The following CNTNAP2 variants were observed in gnomAD, a reference collection of about 807,000 sequenced individuals.
CNTNAP2 encodes the protein contactin associated protein 2, also known as contactin-associated protein-like 2.
In CNTNAP2, 98 loss-of-function variants were observed where a neutral mutation model predicts 155.2. The observed-to-expected ratio is 0.63, with a 90% CI of 0.54 to 0.75. The LOEUF (loss-of-function observed/expected upper bound fraction) is 0.75, where lower values mean the gene tolerates loss of function less well. Among genes scored for constraint, CNTNAP2 ranks in the 30% least tolerant of loss-of-function variants. The pLI, the probability that CNTNAP2 is intolerant of heterozygous loss-of-function variation, is 0.00. For synonymous variants in CNTNAP2, 651 were observed against 631.2 expected, an observed-to-expected ratio of 1.03 and a Z score of -0.47; for missense variants, 1,727 against 1,688.1, an observed-to-expected ratio of 1.02 and a Z score of -0.40.
intron 1 of CNTNAP2, among the ~76,000 whole-genome samples, chr7:146,532,029 A>C (rs1797778032): frequency 6.6e-6 from 1 of 152,164 alleles, no homozygotes; most frequent in Non-Finnish European, 1.5e-5. Flanking sequence ...AAGAAAAATA[A>C]AAATTACAAT....
intron 10 of CNTNAP2, among the ~76,000 whole-genome samples, chr7:147,467,306 T>G (rs1175078216): frequency 9.9e-5 from 15 of 152,246 alleles, no homozygotes; most frequent in Admixed American, 9.8e-4. Context: ...TGTAACTACT[T>G]GTAGGCATTC....
intron 10 of CNTNAP2, among the ~76,000 whole-genome samples, chr7:147,399,494 G>T (rs1264444925): frequency 6.6e-6 from 1 of 152,144 alleles, no homozygotes; most frequent in Non-Finnish European, 1.5e-5. Flanking sequence ...TGTGGGGTAT[G>T]AGAGAAATGG....
intron 13 of CNTNAP2, among the ~76,000 whole-genome samples, chr7:147,826,943 T>C (rs934265062): frequency 6.7e-6 from 1 of 150,014 alleles, no homozygotes; most frequent in Non-Finnish European, 1.5e-5. Context: ...TTTTTTTTTT[T>C]TTTTTGAGAC....
At chr7:147,807,604 C>T (rs17824795) in intron 13 of CNTNAP2, among the ~76,000 whole-genome samples, 4,867 of 152,180 alleles carry the variant, frequency 0.032, 131 homozygotes, top group Non-Finnish European at 0.051. Context: ...GTGCCTAGTA[C>T]GTAACCTTAA....
At chr7:146,234,609 GTCTTTAATCCA>G (rs1403066770) in intron 1 of CNTNAP2, among the ~76,000 whole-genome samples, 1 of 151,308 alleles carries the variant, frequency 6.6e-6, no homozygotes, top group African/African-American at 2.4e-5. Flanking sequence ...TAACGTTTAA[GTCTTTAATCCA>G]TCTTGAATTA....
chr7:148,415,696 A>G lies in CNTNAP2; in HGVS notation c.*80A>G. 6.7e-7 allele frequency: 1 copy of G among 1,484,826 alleles called. No homozygotes were observed. The highest frequency in any genetic ancestry group is 1.2e-5 in the South Asian group (1 of 86,612). The allele number at this position is 1,484,826 out of a possible 1,614,324, so 92.0% of individuals were successfully genotyped here. On this transcript the variant is annotated 3_prime_UTR_variant, in exon 24 of 24. Coordinates refer to ENST00000361727, the MANE Select transcript of CNTNAP2 (RefSeq NM_014141.6). ...AAGGGACAAAAGCACCCTGCTTCATACTCTTGAGCACATCCTTAAAATATC... is the reference window on the plus strand; with the variant it reads ...AAGGGACAAAAGCACCCTGCTTCATGCTCTTGAGCACATCCTTAAAATATC...
intron 1 of CNTNAP2, among the ~76,000 whole-genome samples, chr7:146,733,064 A>G (rs1477923666): frequency 1.3e-5 from 2 of 152,116 alleles, no homozygotes; most frequent in Non-Finnish European, 2.9e-5. Context: ...ATAATCATAG[A>G]CCACTAATAG....
At chr7:147,035,588 G>A (rs569491861) in intron 3 of CNTNAP2, among the ~76,000 whole-genome samples, 6 of 152,246 alleles carry the variant, frequency 3.9e-5, no homozygotes, top group African/African-American at 1.4e-4. Context: ...GAACATTCAC[G>A]TCATTCTCAC....
At chr7:147,850,767 T>C (rs1425081673) in intron 13 of CNTNAP2, among the ~76,000 whole-genome samples, 1 of 152,060 alleles carries the variant, frequency 6.6e-6, no homozygotes, top group Non-Finnish European at 1.5e-5. Context: ...ATACAAAAAT[T>C]AATTCAAGAT....
chr7:146,264,388 T>C (rs1283382587), intron 1 of CNTNAP2, among the ~76,000 whole-genome samples: 2 of 151,546 alleles, frequency 1.3e-5, no homozygotes, highest in Non-Finnish European at 2.9e-5. Context: ...GAGGCAGAGG[T>C]TGCAGTGAGC....
intron 3 of CNTNAP2, among the ~76,000 whole-genome samples, chr7:146,946,931 G>A (rs796788617): frequency 2.0e-4 from 31 of 152,034 alleles, no homozygotes; most frequent in African/African-American, 7.2e-4. Flanking sequence ...CCCCAAAAAA[G>A]CATCTTTATA....
intron 2 of CNTNAP2, among the ~76,000 whole-genome samples, chr7:146,831,329 A>G (rs544069323): frequency 6.6e-6 from 1 of 152,054 alleles, no homozygotes; most frequent in Admixed American, 6.6e-5. Flanking sequence ...CTAAGATTAC[A>G]TTTATGGATA....
chr7:147,411,940 T>C (rs1378269700), intron 10 of CNTNAP2, among the ~76,000 whole-genome samples: 1 of 152,182 alleles, frequency 6.6e-6, no homozygotes, highest in Non-Finnish European at 1.5e-5. Context: ...GAAAAAAATA[T>C]TTGATGCAGC....
intron 1 of CNTNAP2, among the ~76,000 whole-genome samples, chr7:146,304,206 G>A (rs1800666564): frequency 1.3e-5 from 2 of 151,546 alleles, no homozygotes; most frequent in Non-Finnish European, 1.5e-5. Context: ...ACACTGATGG[G>A]TCTTGACTCT....
chr7:147,025,538 G>A (rs1284830732), intron 3 of CNTNAP2, among the ~76,000 whole-genome samples: 3 of 147,118 alleles, frequency 2.0e-5, no homozygotes, highest in East Asian at 4.2e-4. Flanking sequence ...GGAGGGCAAG[G>A]GCAAAGAAAC....
At chr7:147,252,341 G>A (rs564368126) in intron 8 of CNTNAP2, among the ~76,000 whole-genome samples, 6 of 152,230 alleles carry the variant, frequency 3.9e-5, no homozygotes, top group Admixed American at 1.3e-4. Context: ...TTGCTCAAGT[G>A]TTTTATTAGG....
At chr7:146,118,888 T>C (rs896158857) in intron 1 of CNTNAP2, among the ~76,000 whole-genome samples, 2 of 152,130 alleles carry the variant, frequency 1.3e-5, no homozygotes, top group Admixed American at 6.5e-5. Context: ...TTAAGGTGGC[T>C]TTTTATTTCG....
rs113775243 is a variant in CNTNAP2 at position 147,338,888 on chromosome 7, G to A, written c.1498+38598G>A. ...GGGTCTTGAAGAGGGCTGGGGGTAG[G>A]GGGAGCTCATATTTATCATGCTTCT... On this transcript the variant is annotated intron_variant, in intron 9 of 23. Coordinates refer to ENST00000361727, the MANE Select transcript of CNTNAP2 (RefSeq NM_014141.6). 1.5e-3 allele frequency among the ~76,000 whole-genome samples: 230 copies of A among 151,962 alleles called. 2 individuals carry two copies. Among genetic ancestry groups the A allele is most frequent in the African/African-American group, 5.3e-3 (220 of 41,456 alleles).
intron 3 of CNTNAP2, among the ~76,000 whole-genome samples, chr7:146,914,750 C>G (rs1026980013): frequency 2.0e-5 from 3 of 152,120 alleles, no homozygotes. Context: ...TGTGGGTTGT[C>G]TCTTCACTCT....
Sources: gnomAD v4.1 joint callset for allele counts (sites outside exome capture counted in the v4.1 genomes callset) on GRCh38, gnomAD v4.1.1 for gene constraint, MANE v1.5 for transcripts, NCBI Gene and HGNC (gene_info 2026-07-23, HGNC 2026-07-21) for gene names.